Variants in EML4 observed in about 807,000 individuals in gnomAD.
EML4 encodes EMAP like 4.
In EML4, 72 loss-of-function variants were observed where a neutral mutation model predicts 129.0. That is an observed-to-expected ratio of 0.56 (90% confidence interval 0.46 to 0.68). The LOEUF is 0.68. Among genes scored for constraint, EML4 ranks in the 30% least tolerant of loss-of-function variants. The pLI is 0.00. For missense variants in EML4, 1,363 were observed against 1,190.6 expected (o/e 1.14, Z -2.13); for synonymous variants, 532 against 405.0 (o/e 1.31, Z -3.77).
intron 10 of EML4, among the ~76,000 whole-genome samples, chr2:42,287,939 G>A (rs981619685): frequency 2.0e-5 from 3 of 152,134 alleles, no homozygotes; most frequent in Non-Finnish European, 4.4e-5. Flanking sequence ...GACTAGGATA[G>A]CCTCAAAATT....
Position 42,218,726 on chromosome 2 carries a change from C to T in EML4, c.26-26779C>T, listed in dbSNP as rs199739911. 9.2e-5 allele frequency among the ~76,000 whole-genome samples: 14 copies of T among 152,260 alleles called. No homozygotes were observed. The East Asian group carries it at 2.3e-3, about 25-fold the overall frequency. On this transcript the variant is annotated intron_variant, in intron 1 of 22. Coordinates refer to ENST00000318522, the MANE Select transcript of EML4 (RefSeq NM_019063.5). ...AATTCCATACTAAAGTACAAGAGTC[C>T]TCCTTTAAGTACTGAAGATGCTTTA... is the stretch of plus-strand genomic sequence containing the variant.
chr2:42,211,433 T>C (rs1672880080), intron 1 of EML4, among the ~76,000 whole-genome samples: 1 of 152,178 alleles, frequency 6.6e-6, no homozygotes, highest in South Asian at 2.1e-4. Context: ...GATTGAACAT[T>C]ATCTACAGAA....
In EML4 at chr2:42,256,639, T is replaced by C. The variant is rs779285890; in HGVS notation, c.338+9T>C. On this transcript the variant is annotated intron_variant, in intron 3 of 22. Transcript: ENST00000318522. ...TCATCTGCTGCTAAAAGGTACCCAT[T>C]TATGAAAGGGGGAAAAACTAACATT... is the stretch of plus-strand genomic sequence containing the variant. 3.1e-6 allele frequency: 5 copies of C among 1,612,720 alleles called. No individual in the cohort carries two copies. The highest frequency in any genetic ancestry group is 4.2e-6 in the Non-Finnish European group (5 of 1,179,508).
rs1037835410 is a variant in EML4, at chr2:42,313,328, G to C, written c.1968-2634G>C. Among the ~76,000 whole-genome samples, 7 of 152,214 alleles carry C rather than the reference G, an allele frequency of 4.6e-5. No individual in the cohort carries two copies. In the South Asian group the frequency reaches 1.0e-3, roughly 23 times the overall value. On this transcript the variant is annotated intron_variant, in intron 17 of 22. Transcript: ENST00000318522. Reference sequence around the variant, plus strand: ...CCTTAAATGTATAAAACTATGCTGTGCCTCGACCACCTTGGCCACATGTTC... The same window carrying C: ...CCTTAAATGTATAAAACTATGCTGTCCCTCGACCACCTTGGCCACATGTTC...
intron 1 of EML4, among the ~76,000 whole-genome samples, chr2:42,242,647 CTTCCTCCCTCCCTCTCTCCT>C (rs1558532523): frequency 6.6e-6 from 1 of 151,798 alleles, no homozygotes; most frequent in Non-Finnish European, 1.5e-5. Context: ...AACTCACTTC[CTTCCTCCCTCCCTCTCTCCT>C]TTCCTCCCTC....
rs901329782 is a variant in EML4, at chr2:42,330,283, A to G, written c.*76A>G. Reference sequence around the variant, plus strand: ...ATAAAGTTCAGGTAACAGGATGGGCAGTGATGGAGAATCACTGTTGATTGA... The same window carrying G: ...ATAAAGTTCAGGTAACAGGATGGGCGGTGATGGAGAATCACTGTTGATTGA... On this transcript the variant is annotated 3_prime_UTR_variant, in exon 23 of 23. Transcript: ENST00000318522. 1.5e-6 allele frequency: 2 copies of G among 1,302,104 alleles called. No homozygotes were observed. The highest frequency in any genetic ancestry group is 1.2e-5 in the South Asian group (1 of 82,654). The allele number at this position is 1,302,104 out of a possible 1,614,324, so 80.7% of individuals were successfully genotyped here. A position where few individuals can be genotyped will look rare whatever the true frequency, so the allele number is the denominator to read the frequency against.
intron 19 of EML4, chr2:42,319,880 A>G (rs1440082620): frequency 6.6e-6 from 1 of 152,236 alleles, no homozygotes. Context: ...TAGCTGCAGA[A>G]GCACAGTACG....
At chr2:42,214,340 G>A (rs1486682097) in intron 1 of EML4, among the ~76,000 whole-genome samples, 2 of 152,032 alleles carry the variant, frequency 1.3e-5, no homozygotes, top group South Asian at 2.1e-4. Flanking sequence ...TTATTATAAG[G>A]CGTTTGTATA....
intron 1 of EML4, among the ~76,000 whole-genome samples, chr2:42,231,413 G>T (rs1436332037): frequency 6.6e-6 from 1 of 152,064 alleles, no homozygotes; most frequent in Non-Finnish European, 1.5e-5. Context: ...TCTATCTTAA[G>T]CCCAAGACCT....
At chr2:42,307,957 G>C (rs1668705290) in intron 17 of EML4, among the ~76,000 whole-genome samples, 1 of 152,128 alleles carries the variant, frequency 6.6e-6, no homozygotes, top group African/African-American at 2.4e-5. Flanking sequence ...GCCCAGCCAA[G>C]GACATTTTTC....
chr2:42,207,245 A>G (rs184748193), intron 1 of EML4, among the ~76,000 whole-genome samples: 5 of 152,322 alleles, frequency 3.3e-5, no homozygotes. Context: ...ACTTTTATAA[A>G]TGTATATCTT....
Position 42,329,934 on chromosome 2 carries a change from T to C in EML4, c.2673T>C (p.Ser891=). 6.2e-7 allele frequency: 1 copy of C among 1,613,964 alleles called. No homozygotes were observed. Among genetic ancestry groups the C allele is most frequent in the Non-Finnish European group, 8.5e-7 (1 of 1,180,004 alleles). The part of the protein sequence containing the change: ...LTKAPVSSTE[S]VIQSNTPTPP... ...AAGCCCCCGTCTCTTCCACTGAAAG[T>C]GTCATCCAATCTAATACTCCCACAC... Residue 891 remains serine (S), a synonymous_variant, in exon 23 of 23, where the codon AGT becomes AGC. Transcript: ENST00000318522.
chr2:42,208,140 A>T (rs1160212022), intron 1 of EML4: 2 of 152,100 alleles, frequency 1.3e-5, no homozygotes, highest in Non-Finnish European at 2.9e-5. Context: ...TTATTCGTTT[A>T]TTCTTCCTGG....
chr2:42,245,094 C>CTTTCTTTTTTTTTTTTTTTTTTTT (rs1336279430), intron 1 of EML4, among the ~76,000 whole-genome samples: 3 of 66,570 alleles, frequency 4.5e-5, no homozygotes, highest in Admixed American at 4.6e-4. Flanking sequence ...AATTTTCTTT[C>CTTTCTTTTTTTTTTTTTTTTTTTT]TTTTTTTTTT....
chr2:42,180,528 T>C lies in EML4; in HGVS notation c.25+10892T>C, dbSNP rs908963582. 8.5e-5 allele frequency among the ~76,000 whole-genome samples: 13 copies of C among 152,178 alleles called. 1 individual carries two copies. The highest frequency in any genetic ancestry group is 6.5e-4 in the Admixed American group (10 of 15,280). On this transcript the variant is annotated intron_variant, in intron 1 of 22. Transcript: ENST00000318522. ...CCTTACATGCAGCTTGTTTTAGTCA[T>C]TTCTTTCCTGGCCTCTATAGACCTG...
At chr2:42,219,858 G>A (rs2104096939) in intron 1 of EML4, among the ~76,000 whole-genome samples, 2 of 151,678 alleles carry the variant, frequency 1.3e-5, no homozygotes, top group Admixed American at 1.3e-4. Context: ...CCTGGGAGGT[G>A]GGGGTTGCAG....
intron 17 of EML4, among the ~76,000 whole-genome samples, chr2:42,307,955 A>C (rs1158706381): frequency 6.6e-6 from 1 of 152,166 alleles, no homozygotes; most frequent in Non-Finnish European, 1.5e-5. Flanking sequence ...ACGCCCAGCC[A>C]AGGACATTTT....
chr2:42,243,955 C>G (rs1038275867), intron 1 of EML4, among the ~76,000 whole-genome samples: 3 of 152,114 alleles, frequency 2.0e-5, no homozygotes, highest in Admixed American at 6.5e-5. Flanking sequence ...CCAAACAGCT[C>G]TTACATTAGA....
At chr2:42,282,299 T>C (rs991747955) in intron 7 of EML4, among the ~76,000 whole-genome samples, 48 of 151,664 alleles carry the variant, frequency 3.2e-4, no homozygotes, top group African/African-American at 9.2e-4. Flanking sequence ...TACATATTTG[T>C]CTGGTAAATG....
Sources: allele counts gnomAD v4.1 joint callset (sites outside exome capture counted in the v4.1 genomes callset), GRCh38; gene constraint gnomAD v4.1.1; transcripts MANE v1.5; gene names NCBI Gene and HGNC (gene_info 2026-07-23, HGNC 2026-07-21).